The following ADAMTS19 variants were observed in gnomAD, a reference collection of about 807,000 sequenced individuals.
ADAMTS19 encodes the protein ADAM metallopeptidase with thrombospondin type 1 motif 19.
A neutral mutation model predicts 153.3 loss-of-function variants in ADAMTS19; 93 were observed. The observed-to-expected ratio is 0.61, with a 90% CI of 0.51 to 0.72. The LOEUF (loss-of-function observed/expected upper bound fraction) is 0.72, where lower values mean the gene tolerates loss of function less well. ADAMTS19 is among the 30% of genes least tolerant of loss of function. The probability of loss-of-function intolerance (pLI) is 0.00; values close to 1 mark genes in which losing one functional copy is unlikely to be tolerated. For synonymous variants in ADAMTS19, 600 were observed against 556.6 expected, an observed-to-expected ratio of 1.08 and a Z score of -1.10; for missense variants, 1,482 against 1,552.1, an observed-to-expected ratio of 0.95 and a Z score of 0.76.
In ADAMTS19 at chr5:129,709,611, C is replaced by T. The variant is rs533153569; in HGVS notation, c.3312+5220C>T. Among the ~76,000 whole-genome samples, 12 of 152,220 alleles carry T rather than the reference C, an allele frequency of 7.9e-5. No individual in the cohort carries two copies. The South Asian group carries it at 2.5e-3, about 32-fold the overall frequency. ...GCTTTGCATAATCAAGCATTATAAC[C>T]TTAAAGTGTTCTCCTGTTGCATAAT... On this transcript the variant is annotated intron_variant, in intron 21 of 22. Coordinates refer to ENST00000274487, the MANE Select transcript of ADAMTS19 (RefSeq NM_133638.6).
intron 2 of ADAMTS19, among the ~76,000 whole-genome samples, chr5:129,472,502 A>G (rs980800117): frequency 6.6e-6 from 1 of 152,200 alleles, no homozygotes; most frequent in African/African-American, 2.4e-5. Context: ...AGTGAGCTAG[A>G]AAGGATTCTA....
intron 21 of ADAMTS19, among the ~76,000 whole-genome samples, chr5:129,725,947 A>G (rs1757192478): frequency 6.6e-6 from 1 of 152,142 alleles, no homozygotes; most frequent in South Asian, 2.1e-4. Context: ...ATTGATGAAT[A>G]TCACTACGGC....
In ADAMTS19 at chr5:129,461,567, T is replaced by A; in HGVS notation, c.557T>A (p.Leu186His). Reference sequence around the variant, plus strand: ...TTCTCTCGGGACCTGTACCTGCTGCTCCGGAGAGACGGCCGCTTCCTGGCG... The same window carrying A: ...TTCTCTCGGGACCTGTACCTGCTGCACCGGAGAGACGGCCGCTTCCTGGCG... The part of the protein sequence containing the change: ...PAFSRDLYLL[L>H]RRDGRFLAPR... Residue 186 changes from leucine to histidine, a missense_variant, in exon 2 of 23, where the codon CTC (leucine) becomes CAC (histidine). Leu to His is a moderately conservative substitution (Grantham distance 99). This residue lies in a region of ADAMTS19 where 866 missense variants were observed against 827.7 expected (regional missense o/e 1.05). Coordinates refer to ENST00000274487, the MANE Select transcript of ADAMTS19 (RefSeq NM_133638.6). The surrounding 1 kb of genome is among the most constrained non-coding windows in gnomAD (Gnocchi z 4.6). 1 of 1,557,724 alleles carries A rather than the reference T, an allele frequency of 6.4e-7. No homozygotes were observed. The highest frequency in any genetic ancestry group is 1.1e-5 in the South Asian group (1 of 87,366).
intron 2 of ADAMTS19, among the ~76,000 whole-genome samples, chr5:129,488,107 C>T (rs1750656591): frequency 6.6e-6 from 1 of 151,868 alleles, no homozygotes; most frequent in African/African-American, 2.4e-5. Flanking sequence ...TAAATACTCA[C>T]AGCAAAGAAA....
At chr5:129,478,327 G>T (rs904949500) in intron 2 of ADAMTS19, among the ~76,000 whole-genome samples, 8 of 152,110 alleles carry the variant, frequency 5.3e-5, no homozygotes, top group African/African-American at 1.9e-4. Context: ...GTTTGCACAT[G>T]CTTATTTTAT....
At chr5:129,682,620 C>T (rs1005858757) in intron 17 of ADAMTS19, among the ~76,000 whole-genome samples, 7 of 151,974 alleles carry the variant, frequency 4.6e-5, no homozygotes, top group East Asian at 3.9e-4. Flanking sequence ...TGGGTATAGT[C>T]GTAAGGTATA....
intron 18 of ADAMTS19, among the ~76,000 whole-genome samples, chr5:129,691,701 T>C (rs1347462721): frequency 6.6e-6 from 1 of 152,160 alleles, no homozygotes; most frequent in Non-Finnish European, 1.5e-5. Flanking sequence ...ATAGGAGTCC[T>C]TTCTTACAAT....
chr5:129,460,414 G>C lies in ADAMTS19; in HGVS notation c.23G>C (p.Arg8Pro). MGKNREM[R>P]LTHICCCCLL... ...AGTATGGGGAAGAACCGCGAGATGC[G>C]CCTGACTCACATCTGCTGCTGCTGC... Residue 8 changes from arginine to proline, a missense_variant, in exon 1 of 23, where the codon CGC (arginine) becomes CCC (proline). Physicochemically the swap from Arg to Pro is moderately radical, Grantham distance 103. Around this residue, in one of 2 missense-constraint regions of ADAMTS19, gnomAD observed 866 missense variants for 827.7 expected, o/e 1.05. Transcript: ENST00000274487. 6.2e-7 allele frequency: 1 copy of C among 1,614,046 alleles called. No homozygotes were observed.
chr5:129,475,618 G>A (rs143307550), intron 2 of ADAMTS19, among the ~76,000 whole-genome samples: 8 of 152,058 alleles, frequency 5.3e-5, no homozygotes, highest in African/African-American at 1.9e-4. Flanking sequence ...AGATCACTTG[G>A]GGTCAGGAGT....
chr5:129,636,051 C>G (rs1201140445), intron 10 of ADAMTS19, among the ~76,000 whole-genome samples: 1 of 152,056 alleles, frequency 6.6e-6, no homozygotes, highest in Non-Finnish European at 1.5e-5. Context: ...TGCCTGCCAC[C>G]ACGTCTGGTT....
chr5:129,597,775 G>A (rs1444384968), intron 8 of ADAMTS19, among the ~76,000 whole-genome samples: 1 of 151,820 alleles, frequency 6.6e-6, no homozygotes, highest in Non-Finnish European at 1.5e-5. Context: ...GGTGGTACGC[G>A]CCTGTAGTCC....
intron 18 of ADAMTS19, among the ~76,000 whole-genome samples, chr5:129,689,485 C>G (rs761734141): frequency 9.2e-5 from 14 of 152,160 alleles, no homozygotes; most frequent in Non-Finnish European, 1.9e-4. Context: ...AGTGCAGTGG[C>G]ACAATCTCAG....
intron 18 of ADAMTS19, 38 bp from the exon 19 acceptor site, chr5:129,694,682 C>T (rs757159625): frequency 6.8e-6 from 10 of 1,479,534 alleles, no homozygotes; most frequent in Admixed American, 6.2e-5. Context: ...TACATAAAGG[C>T]TTATAATAAT....
intron 7 of ADAMTS19, among the ~76,000 whole-genome samples, chr5:129,585,524 A>G (rs557247587): frequency 1.2e-4 from 19 of 152,244 alleles, no homozygotes; most frequent in Non-Finnish European, 2.2e-4. Context: ...CTTGTACTAT[A>G]TCCCTACTAC....
At position 129,690,297 on chromosome 5, in the gene ADAMTS19, C is replaced by G. The variant is rs557734409; in HGVS notation, c.2819-4423C>G. Among the ~76,000 whole-genome samples the G allele has an allele frequency of 2.2e-4, 33 of 152,282 alleles. No homozygotes were observed. The South Asian group carries it at 3.1e-3, about 14-fold the overall frequency. On this transcript the variant is annotated intron_variant, in intron 18 of 22. Transcript: ENST00000274487. ...ACCCACGTGCCAGGTGGAAGGCTTT[C>G]TTGGAAGTGAAAATGTTATTACTAT...
intron 14 of ADAMTS19, among the ~76,000 whole-genome samples, chr5:129,655,297 T>C (rs1168702557): frequency 6.6e-6 from 1 of 152,146 alleles, no homozygotes; most frequent in Admixed American, 6.6e-5. Flanking sequence ...CCATTTACTC[T>C]CAACATCTAC....
intron 7 of ADAMTS19, among the ~76,000 whole-genome samples, chr5:129,580,814 G>A (rs1365957026): frequency 1.3e-5 from 2 of 152,138 alleles, no homozygotes; most frequent in Non-Finnish European, 2.9e-5. Context: ...GCTTTTTGAT[G>A]TGCTGCTGGA....
intron 16 of ADAMTS19, among the ~76,000 whole-genome samples, chr5:129,672,522 A>C (rs1754348657): frequency 6.6e-6 from 1 of 152,184 alleles, no homozygotes; most frequent in Admixed American, 6.5e-5. Flanking sequence ...GCCTTTACAA[A>C]GTGGGAGCTC....
chr5:129,604,762 T>C lies in ADAMTS19; in HGVS notation c.1478+8098T>C, dbSNP rs192670426. On this transcript the variant is annotated intron_variant, in intron 8 of 22. Coordinates refer to ENST00000274487, the MANE Select transcript of ADAMTS19 (RefSeq NM_133638.6). ...TTTTGATATTGCATGAGACTTTCAA[T>C]AAAGTATCAGGTAAATTCTTATAAA... is the stretch of plus-strand genomic sequence containing the variant. Among the ~76,000 whole-genome samples, 360 of 152,294 alleles carry C rather than the reference T, an allele frequency of 2.4e-3. 1 individual carries two copies. Among genetic ancestry groups the C allele is most frequent in the Non-Finnish European group, 3.9e-3 (268 of 68,008 alleles).
Sources: gnomAD v4.1 joint callset for allele counts (sites outside exome capture counted in the v4.1 genomes callset) on GRCh38, gnomAD v4.1.1 for gene constraint, gnomAD v4.1.1 regional missense constraint, Gnocchi (gnomAD v3.1) non-coding constraint, MANE v1.5 for transcripts, NCBI Gene and HGNC (gene_info 2026-07-23, HGNC 2026-07-21) for gene names.